Variants in CCDC148 observed in about 807,000 individuals in gnomAD.
The protein encoded by CCDC148 is coiled-coil domain-containing protein 148.
A neutral mutation model predicts 85.7 loss-of-function variants in CCDC148; 89 were observed. That is an observed-to-expected ratio of 1.04 (90% CI 0.87 to 1.24). The LOEUF is 1.24. Ranked by LOEUF, CCDC148 falls within the 50% of genes most tolerant of loss-of-function variation. The pLI, the probability that CCDC148 is intolerant of heterozygous loss-of-function variation, is 0.00. For missense variants in CCDC148, 692 were observed against 671.7 expected (o/e 1.03, Z -0.33); for synonymous variants, 230 against 213.9 (o/e 1.08, Z -0.66).
rs578051814 is a variant in CCDC148 at position 158,332,350 on chromosome 2, C to G, written c.764+6376G>C. ...AATATTGGCCCCCACTGTCTTCTGG[C>G]TTGGAGAGTTTCTGCCGAGAGATCA... On this transcript the variant is annotated intron_variant, in intron 7 of 13. Coordinates refer to ENST00000283233, the MANE Select transcript of CCDC148 (RefSeq NM_138803.4). 1.1e-4 allele frequency among the ~76,000 whole-genome samples: 17 copies of G among 150,724 alleles called. No homozygotes were observed. In the South Asian group the frequency reaches 3.5e-3, roughly 31 times the overall value.
At chr2:158,282,256 T>G (rs970016909) in intron 9 of CCDC148, among the ~76,000 whole-genome samples, 2 of 152,012 alleles carry the variant, frequency 1.3e-5, no homozygotes, top group African/African-American at 4.8e-5. Context: ...CTATTGAACA[T>G]AGTGTTGGAA....
chr2:158,315,450 T>G (rs188843799), intron 7 of CCDC148, among the ~76,000 whole-genome samples: 1 of 152,138 alleles, frequency 6.6e-6, no homozygotes, highest in African/African-American at 2.4e-5. Context: ...CATGTCTTCA[T>G]TAATGTTTGT....
intron 9 of CCDC148, among the ~76,000 whole-genome samples, chr2:158,271,169 T>TG (rs892691055): frequency 2.6e-5 from 4 of 152,102 alleles, no homozygotes; most frequent in Non-Finnish European, 2.9e-5. Flanking sequence ...AAGAAGATTT[T>TG]GGGGGGGTTA....
At chr2:158,208,561 C>A (rs1436314048) in intron 11 of CCDC148, among the ~76,000 whole-genome samples, 1 of 152,134 alleles carries the variant, frequency 6.6e-6, no homozygotes, top group South Asian at 2.1e-4. Context: ...ACGACAGGAA[C>A]AGGAACAAAG....
chr2:158,307,015 T>A (rs1392254617), intron 9 of CCDC148, among the ~76,000 whole-genome samples: 1 of 6,798 alleles, frequency 1.5e-4, no homozygotes, highest in African/African-American at 5.0e-4. Flanking sequence ...CAAGACTCCA[T>A]CTCAAAAAAA....
chr2:158,340,766 A>C, intron 3 of CCDC148, 86 bp from the exon 4 acceptor site: 1 of 780,352 alleles, frequency 1.3e-6, no homozygotes, highest in South Asian at 1.9e-5. Flanking sequence ...TATTTAGTCT[A>C]ATATGGCTTT....
intron 1 of CCDC148, among the ~76,000 whole-genome samples, chr2:158,448,914 G>A (rs530756908): frequency 7.2e-5 from 11 of 151,770 alleles, no homozygotes; most frequent in South Asian, 6.3e-4. Context: ...TGCAACCTCC[G>A]CCTCCCAAGT....
intron 10 of CCDC148, among the ~76,000 whole-genome samples, chr2:158,230,568 G>A (rs1240282506): frequency 6.6e-6 from 1 of 152,134 alleles, no homozygotes; most frequent in East Asian, 1.9e-4. Flanking sequence ...GAGCTGCATG[G>A]GGTTAGATGA....
chr2:158,451,524 A>G (rs1032177314), intron 1 of CCDC148, among the ~76,000 whole-genome samples: 3 of 152,178 alleles, frequency 2.0e-5, no homozygotes, highest in Admixed American at 1.3e-4. Context: ...CCTAAAATGT[A>G]TAATAGAAAT....
intron 10 of CCDC148, among the ~76,000 whole-genome samples, chr2:158,224,153 C>G (rs1326751284): frequency 2.0e-5 from 3 of 152,040 alleles, no homozygotes; most frequent in African/African-American, 4.8e-5. Flanking sequence ...AACCAAGGCA[C>G]GAGAACTACG....
chr2:158,299,028 TCTC>T (rs1260618459), intron 9 of CCDC148, among the ~76,000 whole-genome samples: 1 of 152,110 alleles, frequency 6.6e-6, no homozygotes, highest in Non-Finnish European at 1.5e-5. Flanking sequence ...TGCCAGAAAA[TCTC>T]CTGAATTTTA....
At chr2:158,331,818 A>G (rs890995108) in intron 7 of CCDC148, among the ~76,000 whole-genome samples, 10 of 152,164 alleles carry the variant, frequency 6.6e-5, no homozygotes, top group Non-Finnish European at 1.2e-4. Flanking sequence ...ATCAGAGACT[A>G]GGATTGCAAC....
At chr2:158,234,293 G>C (rs561004177) in intron 10 of CCDC148, among the ~76,000 whole-genome samples, 9 of 152,218 alleles carry the variant, frequency 5.9e-5, no homozygotes, top group Admixed American at 2.0e-4. Context: ...AAAATAGAAA[G>C]TCAATTTGGC....
At chr2:158,421,765 AC>A (rs1686796083) in intron 1 of CCDC148, among the ~76,000 whole-genome samples, 2 of 152,204 alleles carry the variant, frequency 1.3e-5, no homozygotes, top group African/African-American at 4.8e-5. Context: ...AGATAGAGAC[AC>A]AAAAAACCCT....
At chr2:158,214,074 A>G (rs1465714774) in intron 11 of CCDC148, among the ~76,000 whole-genome samples, 1 of 145,046 alleles carries the variant, frequency 6.9e-6, no homozygotes, top group Non-Finnish European at 1.5e-5. Context: ...AGGAACTTGG[A>G]GCATAGAGTT....
chr2:158,230,011 T>C (rs1202876597), intron 10 of CCDC148, among the ~76,000 whole-genome samples: 6 of 152,140 alleles, frequency 3.9e-5, no homozygotes, highest in Non-Finnish European at 2.9e-5. Flanking sequence ...CACTAGTGAG[T>C]TCCACAGGAT....
chr2:158,335,357 T>A (rs1487306167), intron 7 of CCDC148, among the ~76,000 whole-genome samples: 2 of 152,160 alleles, frequency 1.3e-5, no homozygotes. Context: ...CCTCCATCAA[T>A]CCTCCTAAGT....
chr2:158,224,739 A>C (rs1442069148), intron 10 of CCDC148, among the ~76,000 whole-genome samples: 2 of 152,354 alleles, frequency 1.3e-5, no homozygotes, highest in East Asian at 1.9e-4. Context: ...TATATTTTAC[A>C]GACAAGCAAA....
At chr2:158,217,669 G>T (rs1686960117) in intron 11 of CCDC148, among the ~76,000 whole-genome samples, 1 of 151,396 alleles carries the variant, frequency 6.6e-6, no homozygotes, top group African/African-American at 2.4e-5. Context: ...CTCCCAAAGT[G>T]CTGGGATTAT....
Sources: allele counts gnomAD v4.1 joint callset (sites outside exome capture counted in the v4.1 genomes callset), GRCh38; gene constraint gnomAD v4.1.1; transcripts MANE v1.5; gene names NCBI Gene and HGNC (gene_info 2026-07-23, HGNC 2026-07-21).